Variants in KLF15 observed in about 807,000 individuals in gnomAD.
KLF15 encodes Krueppel-like factor 15.
Under a neutral mutation model 24.6 loss-of-function variants are expected in KLF15, and 4 were observed. The ratio of observed to expected loss-of-function variants is 0.16; its 90% confidence interval spans 0.08 to 0.37. KLF15 has a LOEUF of 0.37. KLF15 is among the 10% of genes least tolerant of loss of function. KLF15 has a pLI of 1.00. For missense variants in KLF15, 496 were observed against 560.6 expected, an observed-to-expected ratio of 0.88 and a Z score of 1.16; for synonymous variants, 246 against 236.3, an observed-to-expected ratio of 1.04 and a Z score of -0.37.
At chr3:126,340,381 C>T (rs1279009742), downstream of KLF15, among the ~76,000 whole-genome samples, 1 of 152,222 alleles carries the variant, frequency 6.6e-6, no homozygotes, top group African/African-American at 2.4e-5. Context: ...TCCCAGCTGG[C>T]CCAGTCCTGT....
chr3:126,326,486 A>G, the KLF15 span, among the ~76,000 whole-genome samples: 1 of 152,232 alleles, frequency 6.6e-6, no homozygotes, highest in Non-Finnish European at 1.5e-5. Context: ...GGGAAAATAA[A>G]TTGTGGTGCC....
chr3:126,310,460 GC>G, the KLF15 span, among the ~76,000 whole-genome samples: 9 of 152,266 alleles, frequency 5.9e-5, no homozygotes, highest in South Asian at 1.9e-3. Context: ...CCTACAAAGA[GC>G]CCCTACTAAG....
chr3:126,352,700 T>A lies in KLF15; in HGVS notation c.223A>T (p.Ser75Cys). The change falls in exon 2 of 3, where the codon AGC (serine) becomes TGC (cysteine). Residue 75 changes from serine to cysteine, a missense_variant. Physicochemically the swap from Ser to Cys is moderately radical, Grantham distance 112. This residue lies in a region of KLF15 where 399 missense variants were observed against 423.1 expected (regional missense o/e 0.94). Coordinates refer to ENST00000296233, the MANE Select transcript of KLF15 (RefSeq NM_014079.4). ...GGGLGTESQDSILDFLLSQAT... is the reference protein window; with the variant it reads ...GGGLGTESQDCILDFLLSQAT... ...TGGGACAATAGGAAGTCCAAGATGC[T>A]GTCCTGGCTCTCGGTGCCCAGGCCT... 1 of 1,588,490 alleles carries A rather than the reference T, an allele frequency of 6.3e-7. No individual in the cohort carries two copies. Among genetic ancestry groups the A allele is most frequent in the Non-Finnish European group, 8.6e-7 (1 of 1,167,782 alleles).
At chr3:126,321,780 T>C in the KLF15 span, among the ~76,000 whole-genome samples, 24,820 of 152,176 alleles carry the variant, frequency 0.16, 2,479 homozygotes, top group African/African-American at 0.25. Flanking sequence ...GGGTGGGCAA[T>C]TGTGGGTCGC....
At chr3:126,289,097 G>T in the KLF15 span, among the ~76,000 whole-genome samples, 1 of 152,194 alleles carries the variant, frequency 6.6e-6, no homozygotes, top group Admixed American at 6.5e-5. Context: ...AAGATGGAAG[G>T]TCAACAGAGG....
In KLF15 at chr3:126,356,765, G is replaced by C. The variant is rs567471141; in HGVS notation, c.-26+472C>G. ...CAGACCCCTTCTAGAGTCCTGGACC[G>C]CTGCCCGCTGGGCACCATGCCCTCG... On this transcript the variant is annotated intron_variant, in intron 1 of 2. Transcript: ENST00000296233. This position sits in a 1 kb window ranked among gnomAD's most constrained non-coding sequence, Gnocchi z 4.4. Among the ~76,000 whole-genome samples the C allele has an allele frequency of 3.3e-5, 5 of 152,130 alleles. No homozygotes were observed. In the South Asian group the frequency reaches 1.0e-3, roughly 32 times the overall value.
At position 126,343,412 on chromosome 3, in the gene KLF15, C is replaced by CA; in HGVS notation, c.*314dup. On this transcript the variant is annotated 3_prime_UTR_variant, in exon 3 of 3. Transcript: ENST00000296233. ...CCCAGTGGGAGAAGGGCCAGGTCCC[C>CA]AAAACTCTGCCTGCAACCAGCGGCT... 3.0e-6 allele frequency: 1 copy of CA among 334,988 alleles called. No homozygotes were observed. Among genetic ancestry groups the CA allele is most frequent in the Non-Finnish European group, 5.4e-6 (1 of 184,620 alleles). The allele number at this position is 334,988 out of a possible 1,614,324, so 20.8% of individuals were successfully genotyped here. A position where few individuals can be genotyped will look rare whatever the true frequency, so the allele number is the denominator to read the frequency against.
chr3:126,331,577 G>A, the KLF15 span, among the ~76,000 whole-genome samples: 1 of 152,206 alleles, frequency 6.6e-6, no homozygotes, highest in Non-Finnish European at 1.5e-5. Flanking sequence ...ATGCTAGAAA[G>A]CATTTGATTT....
At chr3:126,317,040 T>C in the KLF15 span, among the ~76,000 whole-genome samples, 142 of 152,212 alleles carry the variant, frequency 9.3e-4, 1 homozygote, top group African/African-American at 3.4e-3. Flanking sequence ...CCACTGTGAA[T>C]CCTCTGGGTT....
chr3:126,303,423 C>T, the KLF15 span, among the ~76,000 whole-genome samples: 2 of 152,002 alleles, frequency 1.3e-5, no homozygotes, highest in Non-Finnish European at 2.9e-5. Flanking sequence ...ACAATCCTCC[C>T]CCATCCTCCA....
the KLF15 span, among the ~76,000 whole-genome samples, chr3:126,315,865 G>A: frequency 2.0e-5 from 3 of 152,140 alleles, no homozygotes; most frequent in Non-Finnish European, 4.4e-5. Flanking sequence ...AAAATGCTAC[G>A]GTTCTGGGAA....
Position 126,352,617 on chromosome 3 carries a change from G to C in KLF15, c.306C>G (p.Pro102=), listed in dbSNP as rs371598172. 1.5e-5 allele frequency: 24 copies of C among 1,606,666 alleles called. No individual in the cohort carries two copies. Among genetic ancestry groups the C allele is most frequent in the Non-Finnish European group, 1.9e-5 (22 of 1,177,392 alleles). Residue 102 remains proline, a synonymous_variant, in exon 2 of 3, where the codon CCC becomes CCG. Coordinates refer to ENST00000296233, the MANE Select transcript of KLF15 (RefSeq NM_014079.4). The stretch of plus-strand genomic sequence containing the variant: ...CCCTTCGCCAGGGCCCCCAGGCCAC[G>C]GGGCCACTGCTGGCCCCAATGCTAC... The part of the protein sequence containing the change: ...SGSSIGASSG[P]VAWGPWRRAA...
At chr3:126,335,955 C>T in the KLF15 span, among the ~76,000 whole-genome samples, 1 of 149,618 alleles carries the variant, frequency 6.7e-6, no homozygotes, top group African/African-American at 2.5e-5. Flanking sequence ...ACATTCCATG[C>T]TCATGGGCAG....
downstream of KLF15, among the ~76,000 whole-genome samples, chr3:126,337,642 G>T (rs1223399940): frequency 6.6e-6 from 1 of 152,074 alleles, no homozygotes; most frequent in Admixed American, 6.5e-5. Flanking sequence ...TAAGTTTCCT[G>T]GGGTGAAGGG....
the KLF15 span, chr3:126,291,244 G>A: frequency 6.6e-6 from 1 of 152,230 alleles, no homozygotes; most frequent in Non-Finnish European, 1.5e-5. Context: ...AGCAGCCCAC[G>A]ATATTTTTTA....
chr3:126,316,495 TGGGACTGGGAGTGC>T, the KLF15 span, among the ~76,000 whole-genome samples: 5 of 108,368 alleles, frequency 4.6e-5, no homozygotes, highest in Admixed American at 9.3e-5. Flanking sequence ...CAGGCCGGAG[TGGGACTGGGAGTGC>T]ATGAGCTGCA....
the KLF15 span, among the ~76,000 whole-genome samples, chr3:126,297,487 C>G: frequency 1.3e-5 from 2 of 152,004 alleles, no homozygotes; most frequent in South Asian, 4.1e-4. Context: ...TTTTGGGGAA[C>G]AGGTGGTTTT....
At chr3:126,320,322 C>T in the KLF15 span, among the ~76,000 whole-genome samples, 8 of 152,204 alleles carry the variant, frequency 5.3e-5, no homozygotes, top group Non-Finnish European at 2.9e-5. Context: ...GGCTCTGACT[C>T]TTTTAACACA....
At chr3:126,306,598 C>T in the KLF15 span, among the ~76,000 whole-genome samples, 19,284 of 152,256 alleles carry the variant, frequency 0.13, 1,395 homozygotes, top group Admixed American at 0.22. Flanking sequence ...TACATACACA[C>T]ATGCACGTGC....
Sources: gnomAD v4.1 joint callset for allele counts (sites outside exome capture counted in the v4.1 genomes callset) on GRCh38, gnomAD v4.1.1 for gene constraint, gnomAD v4.1.1 regional missense constraint, Gnocchi (gnomAD v3.1) non-coding constraint, MANE v1.5 for transcripts, NCBI Gene and HGNC (gene_info 2026-07-23, HGNC 2026-07-21) for gene names.